The following WWP2 variants were observed in gnomAD, a reference collection of about 807,000 sequenced individuals.
WWP2 encodes the protein WW domain containing E3 ubiquitin protein ligase 2.
WWP2 carries 57 observed loss-of-function variants against 121.0 expected under a neutral mutation model. The ratio of observed to expected loss-of-function variants is 0.47; its 90% CI spans 0.38 to 0.59. The LOEUF is 0.59. Ranked by LOEUF, WWP2 falls within the 20% of genes least tolerant of loss-of-function variation. The pLI is 0.00. For synonymous variants in WWP2, 449 were observed against 441.3 expected, an observed-to-expected ratio of 1.02 and a Z score of -0.22; for missense variants, 962 against 1,158.9, an observed-to-expected ratio of 0.83 and a Z score of 2.47.
At chr16:69,919,361 T>C (rs975898749) in intron 10 of WWP2, among the ~76,000 whole-genome samples, 1 of 152,012 alleles carries the variant, frequency 6.6e-6, no homozygotes, top group African/African-American at 2.4e-5. Flanking sequence ...GAGACGGGGT[T>C]TCACCATGTT....
At position 69,866,109 on chromosome 16, in the gene WWP2, C is replaced by T. The variant is rs2057517259; in HGVS notation, c.576-5695C>T. On this transcript the variant is annotated intron_variant, in intron 6 of 23. Transcript: ENST00000359154. ...AAGGTTTCTCTGGCGTCTTCTTGGC[C>T]AAGAGGGGGTCCATTCAGTTGGTTG... is the stretch of plus-strand genomic sequence containing the variant. Among the ~76,000 whole-genome samples, 3 of 152,174 alleles carry T rather than the reference C, an allele frequency of 2.0e-5. No homozygotes were observed. The South Asian group carries it at 6.2e-4, about 32-fold the overall frequency.
intron 4 of WWP2, among the ~76,000 whole-genome samples, chr16:69,837,856 C>T (rs1454617074): frequency 6.6e-6 from 1 of 152,078 alleles, no homozygotes; most frequent in Non-Finnish European, 1.5e-5. Flanking sequence ...TGTGGCTTAC[C>T]TTGGAAGATT....
chr16:69,927,844 TAGAGA>T (rs1384385516), intron 11 of WWP2, among the ~76,000 whole-genome samples: 7 of 152,330 alleles, frequency 4.6e-5, no homozygotes, highest in African/African-American at 1.7e-4. Flanking sequence ...ATTTACAAAA[TAGAGA>T]TGAAGTCTCG....
chr16:69,788,394 T>C (rs560102243), intron 2 of WWP2, among the ~76,000 whole-genome samples: 2 of 152,268 alleles, frequency 1.3e-5, no homozygotes. Context: ...CATTTCACAG[T>C]AGAAGCCGAA....
Position 69,930,271 on chromosome 16 carries a change from T to G in WWP2, c.1445+13T>G. On this transcript the variant is annotated intron_variant, in intron 13 of 23. Coordinates refer to ENST00000359154, the MANE Select transcript of WWP2 (RefSeq NM_001270454.2). The stretch of plus-strand genomic sequence containing the variant: ...GGTTTGAGTCGGGGTAAGGACTTTG[T>G]GCAGGTAGCAGCAGTGTCAGGAGCC... 4 of 1,613,352 alleles carry G rather than the reference T, an allele frequency of 2.5e-6. No individual in the cohort carries two copies. The highest frequency in any genetic ancestry group is 3.4e-6 in the Non-Finnish European group (4 of 1,179,584).
chr16:69,836,525 A>G (rs776251528), intron 4 of WWP2, among the ~76,000 whole-genome samples: 81 of 152,244 alleles, frequency 5.3e-4, no homozygotes, highest in Non-Finnish European at 1.0e-3. Context: ...GAGGTCTCAA[A>G]TAGAACAGAG....
rs995941907 is a variant in WWP2 at position 69,911,673 on chromosome 16, A to G, written c.1004+2823A>G. On this transcript the variant is annotated intron_variant, in intron 9 of 23. Coordinates refer to ENST00000359154, the MANE Select transcript of WWP2 (RefSeq NM_001270454.2). ...AAAGAGTGCAATCGTGCTTCTTAGAAGTGGAAATTCACCACAGCAGAGTAC... is the reference window on the plus strand; with the variant it reads ...AAAGAGTGCAATCGTGCTTCTTAGAGGTGGAAATTCACCACAGCAGAGTAC... 3.2e-4 allele frequency among the ~76,000 whole-genome samples: 49 copies of G among 152,204 alleles called. 1 individual carries two copies. Among genetic ancestry groups the G allele is most frequent in the Admixed American group, 2.4e-3 (36 of 15,280 alleles).
intron 1 of WWP2, among the ~76,000 whole-genome samples, chr16:69,766,959 G>A (rs1319368498): frequency 6.6e-6 from 1 of 151,770 alleles, no homozygotes; most frequent in Non-Finnish European, 1.5e-5. Flanking sequence ...TCACCAGGTT[G>A]GTCAGGCTAG....
intron 4 of WWP2, among the ~76,000 whole-genome samples, chr16:69,815,660 C>G (rs1232800619): frequency 6.6e-6 from 1 of 151,548 alleles, no homozygotes; most frequent in Non-Finnish European, 1.5e-5. Flanking sequence ...GGTGGCGGGT[C>G]CCTGTAGTCC....
intron 1 of WWP2, among the ~76,000 whole-genome samples, chr16:69,781,585 G>C (rs913970635): frequency 6.6e-6 from 1 of 152,042 alleles, no homozygotes; most frequent in Non-Finnish European, 1.5e-5. Context: ...CTGAGCACAA[G>C]GTGATCCGCC....
intron 4 of WWP2, among the ~76,000 whole-genome samples, chr16:69,819,514 T>G (rs1225928001): frequency 6.6e-6 from 1 of 152,170 alleles, no homozygotes; most frequent in East Asian, 1.9e-4. Context: ...ACTGACCCCT[T>G]CCAGTCCACT....
At chr16:69,789,146 CT>C (rs927597536) in intron 2 of WWP2, among the ~76,000 whole-genome samples, 15 of 152,172 alleles carry the variant, frequency 9.9e-5, no homozygotes, top group African/African-American at 2.9e-4. Context: ...CAATTTCTTC[CT>C]CCCAGGTTAA....
chr16:69,871,712 CAGG>C, intron 6 of WWP2, 89 bp from the exon 7 acceptor site: 1 of 1,539,436 alleles, frequency 6.5e-7, no homozygotes, highest in Non-Finnish European at 8.8e-7. Flanking sequence ...CAATAAATGG[CAGG>C]AGAAGGGAAT....
chr16:69,772,015 G>A (rs1226902689), intron 1 of WWP2, among the ~76,000 whole-genome samples: 1 of 129,138 alleles, frequency 7.7e-6, no homozygotes, highest in African/African-American at 2.9e-5. Flanking sequence ...AGGCTGGAGT[G>A]TAATGGTGTG....
At chr16:69,827,900 T>C (rs1272191425) in intron 4 of WWP2, 2 of 455,954 alleles carry the variant, frequency 4.4e-6, no homozygotes, top group Non-Finnish European at 8.8e-6. Context: ...CCAGGTACCT[T>C]TTAAAAAATT....
rs921394830 is a variant in WWP2 at position 69,872,786 on chromosome 16, G to A, written c.703+855G>A. On this transcript the variant is annotated intron_variant, in intron 7 of 23. Transcript: ENST00000359154. Reference sequence around the variant, plus strand: ...AGAGGAGACAGTGCCGTCCACGTGCGCATGGAACTTCCCCACACTTGGCTC... The same window carrying A: ...AGAGGAGACAGTGCCGTCCACGTGCACATGGAACTTCCCCACACTTGGCTC... 4.6e-5 allele frequency among the ~76,000 whole-genome samples: 7 copies of A among 152,186 alleles called. No individual in the cohort carries two copies. In the East Asian group the frequency reaches 1.2e-3, roughly 25 times the overall value.
At chr16:69,807,269 A>G (rs2056298527) in intron 4 of WWP2, among the ~76,000 whole-genome samples, 1 of 152,074 alleles carries the variant, frequency 6.6e-6, no homozygotes, top group African/African-American at 2.4e-5. Flanking sequence ...TCCTGACCTC[A>G]GGTGATCCAC....
intron 9 of WWP2, among the ~76,000 whole-genome samples, chr16:69,913,455 T>C (rs1010212513): frequency 3.9e-5 from 6 of 151,992 alleles, no homozygotes; most frequent in Non-Finnish European, 8.8e-5. Context: ...TGAGCCGTGA[T>C]TGTGCCACTG....
intron 10 of WWP2, among the ~76,000 whole-genome samples, chr16:69,918,265 C>A (rs1393819212): frequency 1.3e-5 from 2 of 152,094 alleles, no homozygotes; most frequent in Admixed American, 1.3e-4. Flanking sequence ...CATAGTGAGA[C>A]CCTGTCTCTA....
Sources: gnomAD v4.1 joint callset for allele counts (sites outside exome capture counted in the v4.1 genomes callset) on GRCh38, gnomAD v4.1.1 for gene constraint, MANE v1.5 for transcripts, NCBI Gene and HGNC (gene_info 2026-07-23, HGNC 2026-07-21) for gene names.